The following CEBPZ variants were observed in gnomAD, a reference collection of about 807,000 sequenced individuals.
CEBPZ encodes the protein CCAAT/enhancer-binding protein zeta.
Under a neutral mutation model 104.5 loss-of-function variants are expected in CEBPZ, and 78 were observed. That is an observed-to-expected ratio of 0.75 (90% CI 0.62 to 0.90). The LOEUF is 0.90. CEBPZ is among the 40% of genes least tolerant of loss of function. The pLI is 0.00. For missense variants in CEBPZ, 1,439 were observed against 1,233.5 expected, an observed-to-expected ratio of 1.17 and a Z score of -2.50; for synonymous variants, 470 against 427.0, an observed-to-expected ratio of 1.10 and a Z score of -1.24.
intron 5 of CEBPZ, among the ~76,000 whole-genome samples, chr2:37,219,295 G>C (rs745696308): frequency 6.6e-6 from 1 of 152,062 alleles, no homozygotes; most frequent in Admixed American, 6.5e-5. Flanking sequence ...GGTATGTTAC[G>C]CATACTTGCT....
intron 2 of CEBPZ, among the ~76,000 whole-genome samples, 167 bp downstream of exon 2, chr2:37,227,377 G>C (rs901500025): frequency 3.3e-5 from 5 of 152,120 alleles, no homozygotes; most frequent in Non-Finnish European, 7.3e-5. Flanking sequence ...TGCCCATCAG[G>C]GAAACAAAGA....
chr2:37,226,531 A>T (rs1346818447), intron 2 of CEBPZ, among the ~76,000 whole-genome samples: 1 of 152,218 alleles, frequency 6.6e-6, no homozygotes. Flanking sequence ...ATCATATGAG[A>T]TAGCTGCTTT....
rs1677704393 is a variant in CEBPZ at position 37,211,005 on chromosome 2, A to C, written c.2878T>G (p.Phe960Val). 3 of 1,608,426 alleles carry C rather than the reference A, an allele frequency of 1.9e-6. No homozygotes were observed. The South Asian group carries it at 3.3e-5, about 18-fold the overall frequency. ...ATTAAATGTATTTTCTTACCTTGAA[A>C]TGAGCCAGCAAAGTCAAAATCATCT... ...GTDDFDFAGS[F>V]QGPRKKKRNL... The change falls in exon 13 of 16, where the codon TTT becomes GTT. Residue 960 changes from phenylalanine (F) to valine (V), a missense_variant. Phe to Val is a conservative substitution (Grantham distance 50, BLOSUM62 -1). Transcript: ENST00000234170.
chr2:37,231,288 G>A (rs769562487), intron 1 of CEBPZ, 124 bp downstream of exon 1: 1 of 1,322,608 alleles, frequency 7.6e-7, no homozygotes, highest in Non-Finnish European at 1.1e-6. Context: ...ACATGCTTCA[G>A]AGGCTGGGAT....
chr2:37,224,609 G>C lies in CEBPZ; in HGVS notation c.1650-1208C>G, dbSNP rs911743848. On this transcript the variant is annotated intron_variant, in intron 2 of 15. Transcript: ENST00000234170. ...ATTTTCCAACATTTCCATCCATTTT[G>C]CAATTTATTATTAGGCATAAATTAC... Among the ~76,000 whole-genome samples, 4 of 151,712 alleles carry C rather than the reference G, an allele frequency of 2.6e-5. 1 individual carries two copies. The highest frequency in any genetic ancestry group is 5.9e-5 in the Non-Finnish European group (4 of 67,970).
chr2:37,205,620 A>G (rs547246328), intron 13 of CEBPZ, among the ~76,000 whole-genome samples: 3 of 152,306 alleles, frequency 2.0e-5, no homozygotes, highest in South Asian at 2.1e-4. Flanking sequence ...TGGTCTCTTC[A>G]TACAGACGCG....
rs753684115 is a variant in CEBPZ, at chr2:37,222,494, C to G, written c.1951G>C (p.Asp651His). The G allele has an allele frequency of 1.2e-5, 20 of 1,610,322 alleles. No homozygotes were observed. The highest frequency in any genetic ancestry group is 1.4e-5 in the Non-Finnish European group (17 of 1,179,026). ...DEDMEKFTDA[D>H]KETEIVKKLE... is the part of the protein sequence containing the mutation. ...TTTTTCACTATCTCTGTTTCTTTGT[C>G]TGCATCAGTGAATTTTTCCATGTCT... Residue 651 changes from aspartate to histidine, a missense_variant, in exon 4 of 16, where the codon GAC becomes CAC. Physicochemically the swap from Asp to His is moderately conservative, Grantham distance 81 (BLOSUM62 -1). Transcript: ENST00000234170.
chr2:37,223,502 T>A, intron 2 of CEBPZ, 101 bp from the exon 3 acceptor site: 1 of 977,556 alleles, frequency 1.0e-6, no homozygotes, highest in Non-Finnish European at 1.5e-6. Context: ...TAGTTAGGGA[T>A]AACTTTGCTG....
chr2:37,222,964 C>A (rs1664804953), intron 3 of CEBPZ, among the ~76,000 whole-genome samples: 2 of 152,124 alleles, frequency 1.3e-5, no homozygotes, highest in African/African-American at 4.8e-5. Flanking sequence ...TAGTATAGTA[C>A]AGTTTATTGC....
intron 9 of CEBPZ, 52 bp from the exon 10 acceptor site, chr2:37,214,013 CTA>C: frequency 1.0e-6 from 1 of 998,036 alleles, no homozygotes; most frequent in Non-Finnish European, 1.4e-6. Context: ...TCTAATCTTA[CTA>C]TATATCATCA....
chr2:37,220,489 A>G lies in CEBPZ; in HGVS notation c.2066-16T>C, dbSNP rs1664746416. On this transcript the variant is annotated splice_polypyrimidine_tract_variant and intron_variant, in intron 4 of 15. Transcript: ENST00000234170. ...TGTTTCCCACCTAGGAATAACAAAAAAAATACGATTTCTCAAATGCTTTCT... is the reference window on the plus strand; with the variant it reads ...TGTTTCCCACCTAGGAATAACAAAAGAAATACGATTTCTCAAATGCTTTCT... The G allele has an allele frequency of 2.2e-6, 3 of 1,380,658 alleles. No individual in the cohort carries two copies. The highest frequency in any genetic ancestry group is 1.9e-5 in the Admixed American group (1 of 52,470). The allele number at this position is 1,380,658 out of a possible 1,614,324, so 85.5% of individuals were successfully genotyped here.
chr2:37,227,199 A>G (rs1208828791), intron 2 of CEBPZ, among the ~76,000 whole-genome samples: 2 of 152,250 alleles, frequency 1.3e-5, no homozygotes, highest in Admixed American at 6.5e-5. Flanking sequence ...AACTGCAATT[A>G]TATCTGCAAT....
At chr2:37,208,342 A>G (rs1482295435) in intron 13 of CEBPZ, among the ~76,000 whole-genome samples, 2 of 152,232 alleles carry the variant, frequency 1.3e-5, no homozygotes, top group South Asian at 2.1e-4. Context: ...ATGACATAAC[A>G]AAAGAAAACT....
At chr2:37,201,986 G>T in intron 15 of CEBPZ, 83 bp from the exon 16 acceptor site, 1 of 1,357,132 alleles carries the variant, frequency 7.4e-7, no homozygotes, top group Non-Finnish European at 1.0e-6. Context: ...TGAGTCACAG[G>T]AACTTCTAGC....
intron 13 of CEBPZ, chr2:37,203,335 T>G: frequency 5.9e-6 from 1 of 170,706 alleles, no homozygotes; most frequent in Non-Finnish European, 1.2e-5. Flanking sequence ...CATGGATGGG[T>G]TTTGAAATAC....
At chr2:37,230,901 T>C (rs1665059800) in intron 1 of CEBPZ, among the ~76,000 whole-genome samples, 1 of 152,204 alleles carries the variant, frequency 6.6e-6, no homozygotes, top group Admixed American at 6.5e-5. Flanking sequence ...CCACTCCTTA[T>C]CGTCCTTCCT....
chr2:37,205,319 C>G, intron 13 of CEBPZ, among the ~76,000 whole-genome samples: 1 of 152,110 alleles, frequency 6.6e-6, no homozygotes, highest in Non-Finnish European at 1.5e-5. Flanking sequence ...GATGACATTC[C>G]ACCACAAAAG....
intron 15 of CEBPZ, 121 bp from the exon 16 acceptor site, chr2:37,202,024 C>T (rs1677270236): frequency 1.4e-6 from 1 of 723,482 alleles, no homozygotes; most frequent in South Asian, 2.6e-5. Context: ...TTCCCACCCA[C>T]TATACAAACC....
intron 4 of CEBPZ, among the ~76,000 whole-genome samples, chr2:37,221,947 T>G (rs1260912908): frequency 6.6e-6 from 1 of 152,222 alleles, no homozygotes; most frequent in African/African-American, 2.4e-5. Context: ...CACTTAACGT[T>G]TCTATCTTGA....
Sources: allele counts gnomAD v4.1 joint callset (sites outside exome capture counted in the v4.1 genomes callset), GRCh38; gene constraint gnomAD v4.1.1; transcripts MANE v1.5; gene names NCBI Gene and HGNC (gene_info 2026-07-23, HGNC 2026-07-21).